Variants in RAPH1 observed in about 807,000 individuals in gnomAD.
RAPH1 encodes ras-associated and pleckstrin homology domains-containing protein 1.
In RAPH1, 18 loss-of-function variants were observed where a neutral mutation model predicts 88.1. That is an observed-to-expected ratio of 0.20 (90% confidence interval 0.14 to 0.30). The LOEUF (loss-of-function observed/expected upper bound fraction) is 0.30, where lower values mean the gene tolerates loss of function less well. Ranked by LOEUF, RAPH1 falls within the 10% of genes least tolerant of loss-of-function variation. The pLI, the probability that RAPH1 is intolerant of heterozygous loss-of-function variation, is 1.00. For synonymous variants in RAPH1, 587 were observed against 559.0 expected (o/e 1.05, Z -0.71); for missense variants, 1,448 against 1,543.2 (o/e 0.94, Z 1.03).
chr2:203,506,019 T>C (rs1048056643), intron 1 of RAPH1, among the ~76,000 whole-genome samples: 7 of 152,150 alleles, frequency 4.6e-5, no homozygotes, highest in African/African-American at 9.7e-5. Context: ...CTTGAAACTA[T>C]GGAAAGCCTC....
intron 1 of RAPH1, among the ~76,000 whole-genome samples, chr2:203,516,696 C>A (rs1339145727): frequency 2.0e-5 from 3 of 152,064 alleles, no homozygotes; most frequent in African/African-American, 7.2e-5. Context: ...AGCACCACTG[C>A]ACTCCAGCCC....
chr2:203,474,208 G>C (rs1490338852), intron 4 of RAPH1, among the ~76,000 whole-genome samples: 1 of 152,176 alleles, frequency 6.6e-6, no homozygotes, highest in East Asian at 1.9e-4. Context: ...TCTCAAAAGA[G>C]GGTAGCTCTG....
intron 4 of RAPH1, among the ~76,000 whole-genome samples, chr2:203,469,010 T>C (rs2098530925): frequency 6.6e-6 from 1 of 152,170 alleles, no homozygotes; most frequent in Non-Finnish European, 1.5e-5. Flanking sequence ...ACAACAGATA[T>C]AAATTATGGA....
In RAPH1 at chr2:203,496,734, C is replaced by A. The variant is rs562721401; in HGVS notation, c.1-1381G>T. On this transcript the variant is annotated intron_variant, in intron 1 of 13. Transcript: ENST00000319170. ...GATAAAATTTTATTTGTTAGAAAAA[C>A]CAGCATATTCCTAAGTTATTTGACC... 4.6e-5 allele frequency among the ~76,000 whole-genome samples: 7 copies of A among 152,238 alleles called. No individual in the cohort carries two copies. The South Asian group carries it at 1.4e-3, about 32-fold the overall frequency.
chr2:203,482,409 C>T (rs752291826), intron 4 of RAPH1, among the ~76,000 whole-genome samples: 1 of 152,186 alleles, frequency 6.6e-6, no homozygotes, highest in Non-Finnish European at 1.5e-5. Flanking sequence ...TGGTCTGATA[C>T]TCATGACCTC....
chr2:203,486,093 C>CAAAA (rs59599120), intron 4 of RAPH1, among the ~76,000 whole-genome samples: 1 of 121,864 alleles, frequency 8.2e-6, no homozygotes, highest in African/African-American at 3.3e-5. Context: ...CTGAAGACTA[C>CAAAA]AAAAAAAAAA....
rs375514306 is a variant in RAPH1, at chr2:203,495,237, A to G, written c.117T>C (p.Thr39=). 2 of 1,613,872 alleles carry G rather than the reference A, an allele frequency of 1.2e-6. No individual in the cohort carries two copies. Among genetic ancestry groups the G allele is most frequent in the African/African-American group, 2.7e-5 (2 of 74,926 alleles). Reference sequence around the variant, plus strand: ...CAGTTTTTCAAGCACTACTCACCTGAGTGAGTTTGTCTAGTTCTCCAAGCC... The same window carrying G: ...CAGTTTTTCAAGCACTACTCACCTGGGTGAGTTTGTCTAGTTCTCCAAGCC... ...GAWLGELDKL[T]QSLDSDKPME... Residue 39 remains threonine, a synonymous_variant, in exon 2 of 14, where the codon ACT becomes ACC. Coordinates refer to ENST00000319170, the MANE Select transcript of RAPH1 (RefSeq NM_213589.3).
intron 1 of RAPH1, among the ~76,000 whole-genome samples, chr2:203,517,156 A>G (rs1689651118): frequency 6.6e-6 from 1 of 152,032 alleles, no homozygotes; most frequent in South Asian, 2.1e-4. Context: ...TGAAAAGTAA[A>G]CCAACAGAGA....
At chr2:203,501,815 G>GAAA (rs56269110) in intron 1 of RAPH1, among the ~76,000 whole-genome samples, 11 of 106,676 alleles carry the variant, frequency 1.0e-4, no homozygotes, top group African/African-American at 4.0e-4. Context: ...TAAGCATTAT[G>GAAA]AAAAAAAAAA....
rs529417537 is a variant in RAPH1 at position 203,459,224 on chromosome 2, T to C, written c.1092+683A>G. The stretch of plus-strand genomic sequence containing the variant: ...AGATCTGTTGATACCCCCAAATATG[T>C]ATTCTTCACTAAAACATCCAGAAAA... On this transcript the variant is annotated intron_variant, in intron 7 of 13. Transcript: ENST00000319170. 3.0e-4 allele frequency among the ~76,000 whole-genome samples: 45 copies of C among 152,324 alleles called. 2 individuals carry two copies. In the South Asian group the frequency reaches 9.3e-3, roughly 32 times the overall value.
intron 1 of RAPH1, among the ~76,000 whole-genome samples, chr2:203,509,742 G>A (rs1266657921): frequency 6.6e-6 from 1 of 152,154 alleles, no homozygotes. Flanking sequence ...GTGGGGCCTG[G>A]TGTGAGGTGA....
rs780967996 is a variant in RAPH1, at chr2:203,490,062, T to C, written c.254A>G (p.Asp85Gly). The C allele has an allele frequency of 6.2e-7, 1 of 1,612,534 alleles. No individual in the cohort carries two copies. ...NEALNQGETVDLDALMADLCS... is the reference protein window; with the variant it reads ...NEALNQGETVGLDALMADLCS... ...AAGATCAGCCATCAAGGCATCCAGA[T>C]CCACAGTCTCTCCCTGATTCAGAGC... Residue 85 changes from aspartate to glycine, a missense_variant, in exon 4 of 14, where the codon GAT becomes GGT. Physicochemically the swap from Asp to Gly is moderately conservative, Grantham distance 94 (BLOSUM62 -1). Transcript: ENST00000319170.
intron 1 of RAPH1, among the ~76,000 whole-genome samples, chr2:203,511,437 T>G (rs1436029097): frequency 6.6e-6 from 1 of 152,142 alleles, no homozygotes; most frequent in East Asian, 1.9e-4. Context: ...TTAATAGTAT[T>G]TCTATAAGGT....
chr2:203,491,022 C>T (rs546719893), intron 3 of RAPH1, among the ~76,000 whole-genome samples, 192 bp downstream of exon 3: 3 of 134,646 alleles, frequency 2.2e-5, no homozygotes, highest in Admixed American at 8.2e-5. Context: ...CCAGCCTGGG[C>T]GACAAAAGCG....
intron 1 of RAPH1, among the ~76,000 whole-genome samples, chr2:203,525,335 A>G (rs990020503): frequency 3.2e-4 from 49 of 151,944 alleles, no homozygotes; most frequent in Admixed American, 1.2e-3. Context: ...ACAGGCGCCC[A>G]CCACCATGCC....
chr2:203,474,610 T>G (rs927720878), intron 4 of RAPH1, among the ~76,000 whole-genome samples: 1 of 152,204 alleles, frequency 6.6e-6, no homozygotes, highest in African/African-American at 2.4e-5. Flanking sequence ...ATTTCACCAA[T>G]GGAAAACTAG....
At chr2:203,506,595 T>C (rs983728612) in intron 1 of RAPH1, among the ~76,000 whole-genome samples, 95 of 150,748 alleles carry the variant, frequency 6.3e-4, no homozygotes, top group Non-Finnish European at 5.5e-4. Context: ...AAGTCCTCAA[T>C]TAATGATAGG....
At chr2:203,457,429 T>C (rs1341704969) in intron 8 of RAPH1, 101 bp downstream of exon 8, 1 of 890,946 alleles carries the variant, frequency 1.1e-6, no homozygotes, top group Non-Finnish European at 1.9e-6. Flanking sequence ...TGTGATTCAC[T>C]CACCTCAGCC....
intron 4 of RAPH1, among the ~76,000 whole-genome samples, chr2:203,476,360 G>A (rs916867719): frequency 1.3e-5 from 2 of 152,016 alleles, no homozygotes; most frequent in African/African-American, 4.8e-5. Context: ...TAGTAGAAAT[G>A]GGGTTTCGTC....
Sources: gnomAD v4.1 joint callset for allele counts (sites outside exome capture counted in the v4.1 genomes callset) on GRCh38, gnomAD v4.1.1 for gene constraint, MANE v1.5 for transcripts, NCBI Gene and HGNC (gene_info 2026-07-23, HGNC 2026-07-21) for gene names.